The following ACSM3 variants were observed in gnomAD, a reference collection of about 807,000 sequenced individuals.
ACSM3 encodes acyl-coenzyme A synthetase ACSM3, mitochondrial.
ACSM3 carries 61 observed loss-of-function variants against 74.1 expected under a neutral mutation model. The observed-to-expected ratio is 0.82, with a 90% CI of 0.67 to 1.02. The LOEUF (loss-of-function observed/expected upper bound fraction) is 1.02. ACSM3 is among the 50% of genes least tolerant of loss of function. The probability of loss-of-function intolerance (pLI) is 0.00; values close to 1 mark genes in which losing one functional copy is unlikely to be tolerated. For synonymous variants in ACSM3, 213 were observed against 241.5 expected, an observed-to-expected ratio of 0.88 and a Z score of 1.09; for missense variants, 660 against 697.0, an observed-to-expected ratio of 0.95 and a Z score of 0.60.
At position 20,716,162 on chromosome 16, in the gene ACSM3, G is replaced by C. The variant is rs564231983; in HGVS notation, c.-189-33748G>C. Among the ~76,000 whole-genome samples, 4 of 152,338 alleles carry C rather than the reference G, an allele frequency of 2.6e-5. No individual in the cohort carries two copies. The East Asian group carries it at 7.7e-4, about 29-fold the overall frequency. ...CATGGGACCACCCCAGATTCAAAGA[G>C]AGAGGACATATGCTCTGCTCTCCAA... On this transcript the variant is annotated intron_variant, in intron 1 of 3. Coordinates refer to the ACSM3 transcript ENST00000561584.
At chr16:20,776,156 C>A in intron 3 of ACSM3, 107 bp downstream of exon 3, 1 of 1,195,402 alleles carries the variant, frequency 8.4e-7, no homozygotes, top group Non-Finnish European at 1.2e-6. Context: ...GGCTTATTGT[C>A]AAAGAGTGCC....
At position 20,682,463 on chromosome 16, in the gene ACSM3, C is replaced by T. The variant is rs778016594; in HGVS notation, c.-190+7641C>T. Reference sequence around the variant, plus strand: ...GATGGTCGCAGGAATGAAGATGATCCCTGGGGATGAGAAAGGAACTGATTG... The same window carrying T: ...GATGGTCGCAGGAATGAAGATGATCTCTGGGGATGAGAAAGGAACTGATTG... On this transcript the variant is annotated intron_variant, in intron 1 of 3. Coordinates refer to the ACSM3 transcript ENST00000561584. 10 of 1,612,538 alleles carry T rather than the reference C, an allele frequency of 6.2e-6. No homozygotes were observed. In the Admixed American group the frequency reaches 1.5e-4, roughly 24 times the overall value.
At chr16:20,738,822 G>C (rs2079892589) in intron 1 of ACSM3, 45 of 1,526,022 alleles carry the variant, frequency 2.9e-5, no homozygotes, top group Non-Finnish European at 4.0e-5. Context: ...AAGCCATTTT[G>C]TAAGCAGTAT....
At chr16:20,741,009 A>G (rs1010831912) in intron 1 of ACSM3, among the ~76,000 whole-genome samples, 2 of 152,128 alleles carry the variant, frequency 1.3e-5, no homozygotes, top group Admixed American at 6.5e-5. Flanking sequence ...TCGCGCCTGT[A>G]ATCTCAGCAC....
intron 9 of ACSM3, among the ~76,000 whole-genome samples, chr16:20,789,125 G>T (rs2080537907): frequency 6.6e-6 from 1 of 152,148 alleles, no homozygotes; most frequent in African/African-American, 2.4e-5. Context: ...ATCAACTTGA[G>T]AAATGCTAAT....
intron 1 of ACSM3, among the ~76,000 whole-genome samples, chr16:20,676,815 A>G (rs1020571778): frequency 6.6e-6 from 1 of 152,082 alleles, no homozygotes; most frequent in Non-Finnish European, 1.5e-5. Flanking sequence ...TAGAAGAATA[A>G]ATGCCCCAAA....
upstream of ACSM3, among the ~76,000 whole-genome samples, chr16:20,762,625 T>C (rs969456857): frequency 2.6e-5 from 4 of 152,110 alleles, no homozygotes; most frequent in African/African-American, 9.7e-5. Context: ...TATTAGAAGA[T>C]CAGTGTAATC....
intron 1 of ACSM3, chr16:20,741,946 G>T (rs2079931126): frequency 3.3e-6 from 5 of 1,531,964 alleles, no homozygotes; most frequent in African/African-American, 1.4e-5. Context: ...CCCGCCTCCT[G>T]CCCCGCCTCC....
rs13306612 is a variant in ACSM3 at position 20,777,638 on chromosome 16, G to T, written c.638+58G>T. 90 of 1,451,308 alleles carry T rather than the reference G, an allele frequency of 6.2e-5. 1 individual carries two copies. In the African/African-American group the frequency reaches 1.1e-3, roughly 17 times the overall value. The allele number at this position is 1,451,308 out of a possible 1,614,324, so 89.9% of individuals were successfully genotyped here. ...CCAAAAGGAAAGGCAACAATAAAAA[G>T]ATATTAAACCCAGCAGTGATTAGAA... is the stretch of plus-strand genomic sequence containing the variant. On this transcript the variant is annotated intron_variant, in intron 4 of 13. Coordinates refer to ENST00000289416, the MANE Select transcript of ACSM3 (RefSeq NM_005622.4).
chr16:20,698,778 G>C (rs1181220767), intron 1 of ACSM3: 1 of 152,046 alleles, frequency 6.6e-6, no homozygotes, highest in Admixed American at 6.6e-5. Context: ...TAAAGTGCTG[G>C]GATTACAGGC....
chr16:20,773,731 GA>G (rs1337492502), intron 2 of ACSM3, among the ~76,000 whole-genome samples: 1 of 152,140 alleles, frequency 6.6e-6, no homozygotes, highest in Non-Finnish European at 1.5e-5. Flanking sequence ...TACCTGGTAT[GA>G]TTTCAATTTT....
upstream of ACSM3, chr16:20,674,502 T>G (rs972247716): frequency 6.4e-6 from 1 of 155,374 alleles, no homozygotes; most frequent in African/African-American, 2.4e-5. Flanking sequence ...TGTTCTGGGC[T>G]CAGTCCTTTG....
chr16:20,786,394 C>A, intron 9 of ACSM3: 1 of 835,040 alleles, frequency 1.2e-6, no homozygotes, highest in Non-Finnish European at 1.6e-6. Flanking sequence ...AACGTTAACC[C>A]ATTAGGCTGG....
chr16:20,770,643 T>C (rs543602883), intron 2 of ACSM3, among the ~76,000 whole-genome samples: 132 of 152,206 alleles, frequency 8.7e-4, no homozygotes, highest in African/African-American at 2.6e-3. Flanking sequence ...TTCTCACTTA[T>C]TGGAAAGAAA....
At chr16:20,755,701 T>C (rs920684350) in intron 3 of ACSM3, 20 of 150,518 alleles carry the variant, frequency 1.3e-4, no homozygotes, top group Non-Finnish European at 2.5e-4. Context: ...TAGTTACATA[T>C]GTATACATGT....
intron 1 of ACSM3, among the ~76,000 whole-genome samples, chr16:20,701,712 G>T (rs36055296): frequency 0.07 from 10,633 of 152,060 alleles, 519 homozygotes; most frequent in East Asian, 0.21. Context: ...CCCTTGACAG[G>T]CACTGGTGTG....
At chr16:20,718,014 G>GAAAAGA (rs1567323308) in intron 1 of ACSM3, among the ~76,000 whole-genome samples, 1 of 146,400 alleles carries the variant, frequency 6.8e-6, no homozygotes, top group Admixed American at 6.8e-5. Context: ...AGAAGAAGAA[G>GAAAAGA]AAGAAGAAGA....
At chr16:20,702,760 G>A (rs1410788760) in intron 1 of ACSM3, 1 of 152,184 alleles carries the variant, frequency 6.6e-6, no homozygotes, top group Non-Finnish European at 1.5e-5. Context: ...CCATTCTGTA[G>A]GTTGCCTGTT....
At chr16:20,677,248 A>T (rs1308582492) in intron 1 of ACSM3, among the ~76,000 whole-genome samples, 1 of 150,462 alleles carries the variant, frequency 6.6e-6, no homozygotes, top group East Asian at 2.0e-4. Context: ...AAAAGCCTTG[A>T]CTCAGGCCCC....
Sources: gnomAD v4.1 joint callset for allele counts (sites outside exome capture counted in the v4.1 genomes callset) on GRCh38, gnomAD v4.1.1 for gene constraint, MANE v1.5 for transcripts, NCBI Gene and HGNC (gene_info 2026-07-23, HGNC 2026-07-21) for gene names.